The following XKR4 variants were observed in gnomAD, a reference collection of about 807,000 sequenced individuals.
XKR4 encodes XK-related protein 4.
A neutral mutation model predicts 53.9 loss-of-function variants in XKR4; 12 were observed. That is an observed-to-expected ratio of 0.22 (90% CI 0.14 to 0.36). The LOEUF is 0.36. Ranked by LOEUF, XKR4 falls within the 10% of genes least tolerant of loss-of-function variation. The pLI is 1.00. For missense variants in XKR4, 799 were observed against 859.5 expected (o/e 0.93, Z 0.88); for synonymous variants, 354 against 362.4 (o/e 0.98, Z 0.26).
chr8:55,171,703 C>T (rs116179400), intron 1 of XKR4, among the ~76,000 whole-genome samples: 3,996 of 152,312 alleles, frequency 0.026, 142 homozygotes, highest in East Asian at 0.12. Context: ...ACAGCCTACA[C>T]TGTCAGCCAC....
intron 1 of XKR4, among the ~76,000 whole-genome samples, chr8:55,345,649 C>T (rs1803625511): frequency 6.6e-6 from 1 of 152,198 alleles, no homozygotes; most frequent in African/African-American, 2.4e-5. Flanking sequence ...AGGCCCTGTG[C>T]ATATTCCCCA....
In XKR4 at chr8:55,103,851, GTATATATATATATATATATATATATA is replaced by G. The variant is rs60831330; in HGVS notation, c.806+575_806+600del. Among the ~76,000 whole-genome samples, 19 of 106,010 alleles carry G rather than the reference GTATATATATATATATATATATATATA, an allele frequency of 1.8e-4. No individual in the cohort carries two copies. The South Asian group carries it at 2.8e-3, about 16-fold the overall frequency. The allele number at this position is 106,010 out of a possible 152,430, so 69.5% of individuals were successfully genotyped here. Reference sequence around the variant, plus strand: ...AAGATCCTAATAGGCAAATGACTTTGTATATATATATATATATATATATATATATATATATATATATATCCCCGAGC... The same window carrying G: ...AAGATCCTAATAGGCAAATGACTTTGTATATATATATATATATCCCCGAGC... On this transcript the variant is annotated intron_variant, in intron 1 of 2. Transcript: ENST00000327381.
In XKR4 at chr8:55,404,493, G is replaced by A. The variant is rs765540144; in HGVS notation, c.1006+46616G>A. Among the ~76,000 whole-genome samples, 12 of 152,174 alleles carry A rather than the reference G, an allele frequency of 7.9e-5. No homozygotes were observed. The East Asian group carries it at 9.6e-4, about 12-fold the overall frequency. On this transcript the variant is annotated intron_variant, in intron 2 of 2. Transcript: ENST00000327381. ...TTGTGTTTTAGGGGGCAATGGTAGC[G>A]TCATTTCCCCAGGAGCTTCCAGTCT...
At chr8:55,501,319 T>C (rs571939665) in intron 2 of XKR4, among the ~76,000 whole-genome samples, 76 of 152,330 alleles carry the variant, frequency 5.0e-4, no homozygotes, top group African/African-American at 1.8e-3. Flanking sequence ...TTACATAACA[T>C]GTTAACCATT....
At chr8:55,168,676 A>G (rs1253849873) in intron 1 of XKR4, among the ~76,000 whole-genome samples, 1 of 152,148 alleles carries the variant, frequency 6.6e-6, no homozygotes. Flanking sequence ...ATCTTCTTCT[A>G]TCAAAACTGT....
Position 55,523,914 on chromosome 8 carries a change from G to C in XKR4, c.1640G>C (p.Arg547Pro), listed in dbSNP as rs1234090612. The C allele has an allele frequency of 1.9e-6, 3 of 1,614,116 alleles. No homozygotes were observed. The highest frequency in any genetic ancestry group is 3.3e-5 in the Admixed American group (2 of 60,022). Residue 547 changes from arginine to proline, a missense_variant, in exon 3 of 3, where the codon CGG (arginine) becomes CCG (proline). Transcript: ENST00000327381. Reference protein sequence around the residue: ...LPPDVATSTLRSISNNRSVVS... With the variant: ...LPPDVATSTLPSISNNRSVVS... The stretch of plus-strand genomic sequence containing the variant: ...CCAGACGTGGCCACAAGCACCCTAC[G>C]GTCCATCTCCAACAACCGCAGTGTT...
At chr8:55,119,173 C>T (rs1335236751) in intron 1 of XKR4, among the ~76,000 whole-genome samples, 1 of 152,172 alleles carries the variant, frequency 6.6e-6, no homozygotes, top group Non-Finnish European at 1.5e-5. Context: ...ATTCACTGTC[C>T]TGCAAGAGTC....
At chr8:55,217,599 A>G (rs969626846) in intron 1 of XKR4, among the ~76,000 whole-genome samples, 3 of 152,252 alleles carry the variant, frequency 2.0e-5, no homozygotes, top group African/African-American at 7.2e-5. Flanking sequence ...GATGTGGTAT[A>G]TTCAAAGCAT....
rs547692750 is a variant in XKR4, at chr8:55,533,448, A to G, written c.*9221A>G. 6.6e-6 allele frequency: 1 copy of G among 152,356 alleles called. No homozygotes were observed. The highest frequency in any genetic ancestry group is 1.9e-4 in the East Asian group (1 of 5,196). 9.4% of individuals were successfully genotyped at this position (152,356 alleles called of 1,614,324 possible). ...TAATGCATTGTACATAAAAGAGGAA[A>G]TGGATTTCTGAAATATATTTTGAAA... On this transcript the variant is annotated 3_prime_UTR_variant, in exon 3 of 3. Transcript: ENST00000327381.
intron 2 of XKR4, among the ~76,000 whole-genome samples, chr8:55,515,820 G>T (rs561389803): frequency 2.8e-4 from 43 of 152,302 alleles, no homozygotes; most frequent in Non-Finnish European, 1.5e-5. Context: ...TGCCTAAAGA[G>T]GGGGCAAGAG....
intron 2 of XKR4, among the ~76,000 whole-genome samples, chr8:55,370,424 A>G (rs1039350140): frequency 1.2e-4 from 18 of 152,206 alleles, no homozygotes; most frequent in African/African-American, 4.3e-4. Context: ...ATCCACCTTC[A>G]TAATAAGCTT....
At chr8:55,251,816 G>C (rs1206571853) in intron 1 of XKR4, among the ~76,000 whole-genome samples, 1 of 152,212 alleles carries the variant, frequency 6.6e-6, no homozygotes, top group East Asian at 1.9e-4. Flanking sequence ...TGAGCCACCA[G>C]TGAAACACTA....
At chr8:55,522,272 T>A (rs1806808526) in intron 2 of XKR4, among the ~76,000 whole-genome samples, 1 of 152,194 alleles carries the variant, frequency 6.6e-6, no homozygotes, top group Admixed American at 6.5e-5. Flanking sequence ...AATAAAATGA[T>A]AAAATAAGAG....
chr8:55,537,549 A>G lies in XKR4; in HGVS notation c.*13322A>G, dbSNP rs532839625. On this transcript the variant is annotated 3_prime_UTR_variant, in exon 3 of 3. Coordinates refer to ENST00000327381, the MANE Select transcript of XKR4 (RefSeq NM_052898.2). ...GCAGGCACACAGAGTACGGAAAGGT[A>G]TTCAACTATGCAAAGATATTGAGGG... The G allele has an allele frequency of 6.6e-6, 1 of 152,350 alleles. No homozygotes were observed. Among genetic ancestry groups the G allele is most frequent in the South Asian group, 2.1e-4 (1 of 4,824 alleles). 9.4% of individuals were successfully genotyped at this position (152,350 alleles called of 1,614,324 possible).
At chr8:55,456,141 C>G (rs1459017195) in intron 2 of XKR4, among the ~76,000 whole-genome samples, 1 of 152,128 alleles carries the variant, frequency 6.6e-6, no homozygotes, top group Non-Finnish European at 1.5e-5. Flanking sequence ...GAGATTGACT[C>G]AGAGTAGCAG....
chr8:55,442,501 T>G (rs1805285682), intron 2 of XKR4, among the ~76,000 whole-genome samples: 1 of 152,228 alleles, frequency 6.6e-6, no homozygotes, highest in African/African-American at 2.4e-5. Flanking sequence ...CCCAAGAGAT[T>G]TGAACACATA....
chr8:55,114,123 A>G (rs907856549), intron 1 of XKR4, among the ~76,000 whole-genome samples: 3 of 152,112 alleles, frequency 2.0e-5, no homozygotes, highest in Admixed American at 1.3e-4. Context: ...TGGTAGTTCT[A>G]TTTTTAGCTC....
chr8:55,116,157 G>A (rs1816303295), intron 1 of XKR4, among the ~76,000 whole-genome samples: 2 of 152,274 alleles, frequency 1.3e-5, no homozygotes, highest in South Asian at 4.2e-4. Context: ...TGTGTATGCT[G>A]GCTGGATGGA....
rs977593510 is a variant in XKR4, at chr8:55,253,647, A to G, written c.807-104031A>G. Reference sequence around the variant, plus strand: ...ATTTTATTTAGAGAAGATCAAAGCCAAGGAGGCAAAGGGGTTATTGTTTTT... The same window carrying G: ...ATTTTATTTAGAGAAGATCAAAGCCGAGGAGGCAAAGGGGTTATTGTTTTT... On this transcript the variant is annotated intron_variant, in intron 1 of 2. Coordinates refer to ENST00000327381, the MANE Select transcript of XKR4 (RefSeq NM_052898.2). 3.9e-5 allele frequency among the ~76,000 whole-genome samples: 6 copies of G among 152,248 alleles called. No homozygotes were observed. In the South Asian group the frequency reaches 1.2e-3, roughly 32 times the overall value.
Sources: allele counts gnomAD v4.1 joint callset (sites outside exome capture counted in the v4.1 genomes callset), GRCh38; gene constraint gnomAD v4.1.1; transcripts MANE v1.5; gene names NCBI Gene and HGNC (gene_info 2026-07-23, HGNC 2026-07-21).